Variants in PARD3B observed in about 807,000 individuals in gnomAD.
PARD3B encodes the protein par-3 family cell polarity regulator beta, also known as partitioning defective 3 homolog B.
PARD3B carries 103 observed loss-of-function variants against 130.2 expected under a neutral mutation model. That is an observed-to-expected ratio of 0.79 (90% CI 0.67 to 0.93). The LOEUF (loss-of-function observed/expected upper bound fraction) is 0.93. Ranked by LOEUF, PARD3B falls within the 40% of genes least tolerant of loss-of-function variation. The probability of loss-of-function intolerance (pLI) is 0.00; values close to 1 mark genes in which losing one functional copy is unlikely to be tolerated. For missense variants in PARD3B, 1,609 were observed against 1,499.2 expected (o/e 1.07, Z -1.21); for synonymous variants, 583 against 553.2 (o/e 1.05, Z -0.76).
chr2:205,388,000 A>G (rs1459781040), intron 18 of PARD3B, among the ~76,000 whole-genome samples: 1 of 152,130 alleles, frequency 6.6e-6, no homozygotes, highest in Non-Finnish European at 1.5e-5. Context: ...TAGGATCCAA[A>G]ATTTATCTCA....
chr2:204,828,910 C>T (rs1190245918), intron 2 of PARD3B, among the ~76,000 whole-genome samples: 4 of 152,194 alleles, frequency 2.6e-5, no homozygotes, highest in Admixed American at 6.5e-5. Flanking sequence ...AGCTTCCTTA[C>T]AGAACATCTC....
At chr2:204,843,027 G>A (rs545798512) in intron 2 of PARD3B, among the ~76,000 whole-genome samples, 2 of 152,250 alleles carry the variant, frequency 1.3e-5, no homozygotes, top group African/African-American at 2.4e-5. Context: ...TCAAACATGC[G>A]TGTCTGGGCC....
In PARD3B at chr2:205,027,896, G is replaced by A. The variant is rs149011469; in HGVS notation, c.395-19685G>A. ...CATATATGCACAGGTTTATTTTTGT[G>A]CTCTCTGTTCTGTTCCATTGGTCAA... is the stretch of plus-strand genomic sequence containing the variant. On this transcript the variant is annotated intron_variant, in intron 3 of 22. Coordinates refer to ENST00000406610, the MANE Select transcript of PARD3B (RefSeq NM_001302769.2). 3.7e-3 allele frequency among the ~76,000 whole-genome samples: 564 copies of A among 152,138 alleles called. 5 individuals are homozygous for A. The highest frequency in any genetic ancestry group is 0.013 in the African/African-American group (541 of 41,508).
At chr2:205,110,749 C>T (rs1703583462) in intron 5 of PARD3B, among the ~76,000 whole-genome samples, 1 of 148,760 alleles carries the variant, frequency 6.7e-6, no homozygotes, top group Non-Finnish European at 1.5e-5. Context: ...AGCTTATTTT[C>T]TGGCTACTAT....
Position 204,606,381 on chromosome 2 carries a change from A to G in PARD3B, c.120+60262A>G, listed in dbSNP as rs2033724979. ...CTCAGTCATGCTTTTGTCCATGGTG[A>G]GTCAATAAGGGGATCTGTTGACTGT... is the stretch of plus-strand genomic sequence containing the variant. On this transcript the variant is annotated intron_variant, in intron 1 of 22. Transcript: ENST00000406610. The surrounding 1 kb of genome is among the most constrained non-coding windows in gnomAD (Gnocchi z 4.0). Among the ~76,000 whole-genome samples the G allele has an allele frequency of 6.6e-6, 1 of 152,108 alleles. No individual in the cohort carries two copies. Among genetic ancestry groups the G allele is most frequent in the South Asian group, 2.1e-4 (1 of 4,824 alleles).
intron 22 of PARD3B, among the ~76,000 whole-genome samples, chr2:205,582,566 AT>A (rs1251274925): frequency 1.3e-5 from 2 of 151,986 alleles, no homozygotes; most frequent in African/African-American, 2.4e-5. Flanking sequence ...TCCTTTGGGA[AT>A]TTTTTTTAAA....
At chr2:205,002,940 A>G (rs6435266) in intron 3 of PARD3B, among the ~76,000 whole-genome samples, 150,149 of 152,302 alleles carry the variant, frequency 0.99, 74,046 homozygotes, top group Middle Eastern at 1. Context: ...CTTGTAGGGC[A>G]AACACCACAA....
intron 4 of PARD3B, among the ~76,000 whole-genome samples, chr2:205,083,174 C>G (rs1204412913): frequency 6.6e-6 from 1 of 151,918 alleles, no homozygotes; most frequent in East Asian, 1.9e-4. Context: ...CCATCTTGGC[C>G]TCGCAAAGTG....
At chr2:204,738,486 C>G (rs145457594) in intron 2 of PARD3B, among the ~76,000 whole-genome samples, 1 of 152,102 alleles carries the variant, frequency 6.6e-6, no homozygotes, top group Non-Finnish European at 1.5e-5. Flanking sequence ...TATATTTTTG[C>G]GTAATAAATT....
At chr2:204,554,911 GCTACCATCATTCC>G (rs1191976597) in intron 1 of PARD3B, among the ~76,000 whole-genome samples, 1 of 152,176 alleles carries the variant, frequency 6.6e-6, no homozygotes, top group Non-Finnish European at 1.5e-5. Flanking sequence ...TTTGTGGAGG[GCTACCATCATTCC>G]CTTATCGGAA....
intron 21 of PARD3B, among the ~76,000 whole-genome samples, chr2:205,501,331 CTATT>C (rs1168941680): frequency 6.6e-6 from 1 of 152,120 alleles, no homozygotes; most frequent in Admixed American, 6.6e-5. Flanking sequence ...GAACAAACAG[CTATT>C]TATTGGTCTT....
intron 2 of PARD3B, among the ~76,000 whole-genome samples, chr2:204,867,156 T>A (rs1394348635): frequency 6.6e-6 from 1 of 152,192 alleles, no homozygotes; most frequent in African/African-American, 2.4e-5. Context: ...TTTGTTGATT[T>A]TTTTTTTCAG....
At chr2:205,251,668 C>G (rs1454209482) in intron 16 of PARD3B, among the ~76,000 whole-genome samples, 1 of 151,984 alleles carries the variant, frequency 6.6e-6, no homozygotes, top group Admixed American at 6.6e-5. Flanking sequence ...TTTGGAACAC[C>G]AGTTATGGCC....
rs190916888 is a variant in PARD3B, at chr2:205,142,077, A to G, written c.1434+16340A>G. On this transcript the variant is annotated intron_variant, in intron 10 of 22. Transcript: ENST00000406610. This position sits in a 1 kb window ranked among gnomAD's most constrained non-coding sequence, Gnocchi z 4.3. Reference sequence around the variant, plus strand: ...AAAGTCCTTAAAGATGTACATAATAATAAATAACCATGATATAACGTGATT... The same window carrying G: ...AAAGTCCTTAAAGATGTACATAATAGTAAATAACCATGATATAACGTGATT... Among the ~76,000 whole-genome samples the G allele has an allele frequency of 1.6e-4, 25 of 152,296 alleles. No homozygotes were observed. The highest frequency in any genetic ancestry group is 3.9e-4 in the Admixed American group (6 of 15,294).
intron 2 of PARD3B, among the ~76,000 whole-genome samples, chr2:204,919,339 A>T (rs2047574840): frequency 6.6e-6 from 1 of 152,194 alleles, no homozygotes; most frequent in South Asian, 2.1e-4. Context: ...TGTGTCATGT[A>T]AACTCCTATC....
At chr2:204,900,288 A>T (rs1250458406) in intron 2 of PARD3B, among the ~76,000 whole-genome samples, 1 of 151,926 alleles carries the variant, frequency 6.6e-6, no homozygotes, top group East Asian at 1.9e-4. Flanking sequence ...CTGTAGGTGT[A>T]CTTCATTGTT....
Position 204,934,660 on chromosome 2 carries a change from T to G in PARD3B, c.223-30492T>G, listed in dbSNP as rs17457605. Among the ~76,000 whole-genome samples the G allele has an allele frequency of 3.9e-3, 599 of 152,220 alleles. 6 individuals carry two copies. The highest frequency in any genetic ancestry group is 6.8e-3 in the Non-Finnish European group (463 of 68,032). On this transcript the variant is annotated intron_variant, in intron 2 of 22. Transcript: ENST00000406610. ...ATTACAACCTATTTTCCAGACCTTT[T>G]TTATTATTAAAATGTTCTATTTCCC...
intron 2 of PARD3B, among the ~76,000 whole-genome samples, chr2:204,869,903 C>T (rs2045567951): frequency 6.6e-6 from 1 of 152,132 alleles, no homozygotes; most frequent in East Asian, 1.9e-4. Flanking sequence ...CTTGTTTTCA[C>T]AATGGCTGCA....
At position 205,513,283 on chromosome 2, in the gene PARD3B, A is replaced by T. The variant is rs947795010; in HGVS notation, c.3180+13252A>T. On this transcript the variant is annotated intron_variant, in intron 21 of 22. Coordinates refer to ENST00000406610, the MANE Select transcript of PARD3B (RefSeq NM_001302769.2). Reference sequence around the variant, plus strand: ...GGTTGTGGCTTTCGTGTGGTTCCAGAACTATGTTGCCTTTTCCCAATTTAA... The same window carrying T: ...GGTTGTGGCTTTCGTGTGGTTCCAGTACTATGTTGCCTTTTCCCAATTTAA... Among the ~76,000 whole-genome samples the T allele has an allele frequency of 2.0e-5, 3 of 152,246 alleles. No individual in the cohort carries two copies. The East Asian group carries it at 5.8e-4, about 29-fold the overall frequency.
Sources: allele counts gnomAD v4.1 joint callset (sites outside exome capture counted in the v4.1 genomes callset), GRCh38; gene constraint gnomAD v4.1.1; non-coding constraint Gnocchi (gnomAD v3.1); transcripts MANE v1.5; gene names NCBI Gene and HGNC (gene_info 2026-07-23, HGNC 2026-07-21).